The following ASAP1 variants were observed in gnomAD, a reference collection of about 807,000 sequenced individuals.
The protein encoded by ASAP1 is ArfGAP with SH3 domain, ankyrin repeat and PH domain 1.
Under a neutral mutation model 145.2 loss-of-function variants are expected in ASAP1, and 43 were observed. That is an observed-to-expected ratio of 0.30 (90% CI 0.23 to 0.38). The LOEUF (loss-of-function observed/expected upper bound fraction) is 0.38, where lower values mean the gene tolerates loss of function less well. ASAP1 is among the 10% of genes least tolerant of loss of function. The pLI is 1.00. For missense variants in ASAP1, 1,018 were observed against 1,355.3 expected, an observed-to-expected ratio of 0.75 and a Z score of 3.91; for synonymous variants, 546 against 515.5, an observed-to-expected ratio of 1.06 and a Z score of -0.80.
intron 27 of ASAP1, among the ~76,000 whole-genome samples, chr8:130,067,730 T>C (rs1031473): frequency 0.019 from 2,942 of 152,268 alleles, 95 homozygotes; most frequent in African/African-American, 0.066. Context: ...AAGAACCCAG[T>C]GTTTTCCTGT....
At chr8:130,289,824 T>C (rs1364198456) in intron 3 of ASAP1, among the ~76,000 whole-genome samples, 1 of 152,194 alleles carries the variant, frequency 6.6e-6, no homozygotes, top group Non-Finnish European at 1.5e-5. Flanking sequence ...TTATACAACA[T>C]ACCCCACAGG....
At position 130,358,922 on chromosome 8, in the gene ASAP1, A is replaced by G. The variant is rs1050598434; in HGVS notation, c.60-779T>C. 6.6e-6 allele frequency among the ~76,000 whole-genome samples: 1 copy of G among 152,008 alleles called. No individual in the cohort carries two copies. The highest frequency in any genetic ancestry group is 1.5e-5 in the Non-Finnish European group (1 of 67,992). On this transcript the variant is annotated intron_variant, in intron 2 of 29. Coordinates refer to ENST00000518721, the MANE Select transcript of ASAP1 (RefSeq NM_018482.4). This position sits in a 1 kb window ranked among gnomAD's most constrained non-coding sequence, Gnocchi z 4.1. Reference sequence around the variant, plus strand: ...GTTTTGCAAGAAGGGGGCCCAAAAAAGTTGTACGTGTTCTTTTTTAGTCGC... The same window carrying G: ...GTTTTGCAAGAAGGGGGCCCAAAAAGGTTGTACGTGTTCTTTTTTAGTCGC...
chr8:130,127,308 C>T (rs1375869650), intron 16 of ASAP1, among the ~76,000 whole-genome samples: 2 of 152,148 alleles, frequency 1.3e-5, no homozygotes, highest in African/African-American at 2.4e-5. Flanking sequence ...CCTCTGCCTC[C>T]TGGGTTCAAA....
chr8:130,225,294 T>C lies in ASAP1; in HGVS notation c.260-10593A>G, dbSNP rs1307496634. 7.2e-5 allele frequency among the ~76,000 whole-genome samples: 11 copies of C among 152,344 alleles called. No homozygotes were observed. The East Asian group carries it at 2.1e-3, about 29-fold the overall frequency. On this transcript the variant is annotated intron_variant, in intron 4 of 29. Transcript: ENST00000518721. Reference sequence around the variant, plus strand: ...TCATGTAGTCATATATATCAATCTGTATGCAAAAGACTTTTTTGGGTTTCC... The same window carrying C: ...TCATGTAGTCATATATATCAATCTGCATGCAAAAGACTTTTTTGGGTTTCC...
intron 15 of ASAP1, among the ~76,000 whole-genome samples, chr8:130,131,506 G>A (rs1196611583): frequency 7.0e-6 from 1 of 142,644 alleles, no homozygotes. Flanking sequence ...GCTCACGCCT[G>A]TAATCCCAGC....
intron 2 of ASAP1, among the ~76,000 whole-genome samples, chr8:130,382,894 G>A (rs1475128942): frequency 6.6e-6 from 1 of 152,048 alleles, no homozygotes; most frequent in African/African-American, 2.4e-5. Context: ...TGGGGCGGGA[G>A]GGGAGGGGTA....
intron 2 of ASAP1, among the ~76,000 whole-genome samples, chr8:130,368,631 G>A (rs1827073320): frequency 6.6e-6 from 1 of 152,206 alleles, no homozygotes; most frequent in South Asian, 2.1e-4. Flanking sequence ...ATCCTTCATG[G>A]AGGACTGATA....
chr8:130,414,184 A>G (rs913572773), intron 1 of ASAP1, among the ~76,000 whole-genome samples: 2 of 152,362 alleles, frequency 1.3e-5, no homozygotes, highest in South Asian at 2.1e-4. Context: ...CAGTAGGTTC[A>G]AAGGCACAGT....
At chr8:130,285,536 A>G (rs1318054141) in intron 3 of ASAP1, among the ~76,000 whole-genome samples, 1 of 152,232 alleles carries the variant, frequency 6.6e-6, no homozygotes, top group Non-Finnish European at 1.5e-5. Context: ...AATTTGTTTT[A>G]ATTACTGAAA....
At chr8:130,226,026 T>C (rs1339007402) in intron 4 of ASAP1, among the ~76,000 whole-genome samples, 1 of 149,908 alleles carries the variant, frequency 6.7e-6, no homozygotes, top group Non-Finnish European at 1.5e-5. Flanking sequence ...ACTATAGGAA[T>C]GCACTACCAT....
At chr8:130,326,387 A>T (rs1824332139) in intron 3 of ASAP1, among the ~76,000 whole-genome samples, 1 of 152,248 alleles carries the variant, frequency 6.6e-6, no homozygotes, top group Admixed American at 6.5e-5. Context: ...TTTATAAAAC[A>T]TCAGTGCTGC....
chr8:130,268,569 T>G (rs1335363292), intron 3 of ASAP1, among the ~76,000 whole-genome samples: 1 of 150,606 alleles, frequency 6.6e-6, no homozygotes, highest in Non-Finnish European at 1.5e-5. Flanking sequence ...TTGTACTATT[T>G]TAAAGAAAAA....
intron 2 of ASAP1, among the ~76,000 whole-genome samples, chr8:130,389,490 G>A (rs1345254972): frequency 6.6e-6 from 1 of 152,150 alleles, no homozygotes; most frequent in Non-Finnish European, 1.5e-5. Context: ...ATCTTATTTT[G>A]CATTTCACAG....
At chr8:130,124,342 A>G (rs1342120121) in intron 17 of ASAP1, among the ~76,000 whole-genome samples, 1 of 152,230 alleles carries the variant, frequency 6.6e-6, no homozygotes, top group Admixed American at 6.5e-5. Flanking sequence ...ATAGATGCTC[A>G]TAGTCTAGTG....
chr8:130,249,522 C>T (rs941750777), intron 3 of ASAP1, among the ~76,000 whole-genome samples: 4 of 152,138 alleles, frequency 2.6e-5, no homozygotes, highest in African/African-American at 4.8e-5. Flanking sequence ...ATTTTACAAA[C>T]TCTTGTTCAA....
At chr8:130,166,603 C>T (rs2097680299) in intron 11 of ASAP1, among the ~76,000 whole-genome samples, 1 of 152,016 alleles carries the variant, frequency 6.6e-6, no homozygotes, top group Admixed American at 6.6e-5. Flanking sequence ...TAATAGTATC[C>T]ATACCACTTT....
intron 3 of ASAP1, among the ~76,000 whole-genome samples, chr8:130,254,131 T>C (rs188814059): frequency 6.6e-6 from 1 of 152,176 alleles, no homozygotes; most frequent in African/African-American, 2.4e-5. Context: ...AAAGGTGGAG[T>C]AAAATGTGAC....
At chr8:130,286,060 T>TTAACAC (rs1486436891) in intron 3 of ASAP1, among the ~76,000 whole-genome samples, 1 of 152,178 alleles carries the variant, frequency 6.6e-6, no homozygotes. Flanking sequence ...AAATAACAGG[T>TTAACAC]GTTATCTCCC....
At chr8:130,188,739 A>AAAAAAAAAAAAAAAG (rs1554842792) in intron 5 of ASAP1, among the ~76,000 whole-genome samples, 2 of 150,440 alleles carry the variant, frequency 1.3e-5, no homozygotes, top group Admixed American at 6.6e-5. Flanking sequence ...AAAAAAAAAA[A>AAAAAAAAAAAAAAAG]AAAAAAGAAA....
Sources: gnomAD v4.1 joint callset for allele counts (sites outside exome capture counted in the v4.1 genomes callset) on GRCh38, gnomAD v4.1.1 for gene constraint, Gnocchi (gnomAD v3.1) non-coding constraint, MANE v1.5 for transcripts, NCBI Gene and HGNC (gene_info 2026-07-23, HGNC 2026-07-21) for gene names.